Variants in NRG2 observed in about 807,000 individuals in gnomAD.
The protein encoded by NRG2 is pro-neuregulin-2, membrane-bound isoform.
In NRG2, 27 loss-of-function variants were observed where a neutral mutation model predicts 73.9. The ratio of observed to expected loss-of-function variants is 0.37; its 90% confidence interval spans 0.27 to 0.50. NRG2 has a LOEUF of 0.50. NRG2 is among the 20% of genes least tolerant of loss of function. NRG2 has a pLI of 0.96. For missense variants in NRG2, 1,126 were observed against 1,210.1 expected (o/e 0.93, Z 1.03); for synonymous variants, 532 against 541.0 (o/e 0.98, Z 0.23).
chr5:140,018,651 ATACATAGAGATT>A (rs1332090506), intron 1 of NRG2, among the ~76,000 whole-genome samples: 1 of 152,156 alleles, frequency 6.6e-6, no homozygotes, highest in Admixed American at 6.5e-5. Flanking sequence ...AACAGCACTA[ATACATAGAGATT>A]TAAGAGGACA....
intron 1 of NRG2, among the ~76,000 whole-genome samples, chr5:140,002,784 CAG>C (rs2126626485): frequency 6.6e-6 from 1 of 152,180 alleles, no homozygotes; most frequent in East Asian, 1.9e-4. Flanking sequence ...AGGGTGGAAG[CAG>C]AGAGACCAAT....
In NRG2 at chr5:139,966,529, T is replaced by A. The variant is rs140326549; in HGVS notation, c.700+75841A>T. Reference sequence around the variant, plus strand: ...GGAAGCTTTCCCAGAGGAGGGACATTCTAAGATGAGCTCTTAGGGGTGGTG... The same window carrying A: ...GGAAGCTTTCCCAGAGGAGGGACATACTAAGATGAGCTCTTAGGGGTGGTG... On this transcript the variant is annotated intron_variant, in intron 1 of 9. Coordinates refer to ENST00000361474, the MANE Select transcript of NRG2 (RefSeq NM_004883.3). Among the ~76,000 whole-genome samples, 8 of 152,212 alleles carry A rather than the reference T, an allele frequency of 5.3e-5. No homozygotes were observed. The East Asian group carries it at 9.7e-4, about 18-fold the overall frequency.
At chr5:139,978,661 A>G (rs544767626) in intron 1 of NRG2, among the ~76,000 whole-genome samples, 3 of 152,206 alleles carry the variant, frequency 2.0e-5, no homozygotes, top group Non-Finnish European at 4.4e-5. Context: ...CATATAAAAC[A>G]TGCTGCTATA....
intron 1 of NRG2, among the ~76,000 whole-genome samples, chr5:139,974,657 C>G (rs889682969): frequency 1.3e-5 from 2 of 152,150 alleles, no homozygotes; most frequent in African/African-American, 4.8e-5. Context: ...AAGATTCCAG[C>G]CTCCTCTTCC....
At position 139,853,060 on chromosome 5, in the gene NRG2, TC is replaced by T; in HGVS notation, c.1293-34del. 1.2e-6 allele frequency: 2 copies of T among 1,610,352 alleles called. No homozygotes were observed. Among genetic ancestry groups the T allele is most frequent in the Admixed American group, 1.7e-5 (1 of 59,054 alleles). The stretch of plus-strand genomic sequence containing the variant: ...AGGGAAGGGAAGGTGAGGCTGGCAT[TC>T]CCCCCACTCGCCAACGATGAACTTC... On this transcript the variant is annotated intron_variant, in intron 6 of 9. Coordinates refer to ENST00000361474, the MANE Select transcript of NRG2 (RefSeq NM_004883.3). This position sits in a 1 kb window ranked among gnomAD's most constrained non-coding sequence, Gnocchi z 4.1.
At chr5:139,866,293 A>G (rs1341363533) in intron 4 of NRG2, among the ~76,000 whole-genome samples, 1 of 152,190 alleles carries the variant, frequency 6.6e-6, no homozygotes, top group Admixed American at 6.5e-5. Context: ...AGACTATGAA[A>G]GTTTCATAGG....
In NRG2 at chr5:139,853,850, A is replaced by G. The variant is rs1304338278; in HGVS notation, c.1293-823T>C. The stretch of plus-strand genomic sequence containing the variant: ...CTAGTTAGAAGGAAAAAGACCTAGT[A>G]TTCAATAGCATATGGGGTGACTATA... On this transcript the variant is annotated intron_variant, in intron 6 of 9. Transcript: ENST00000361474. The surrounding 1 kb of genome is among the most constrained non-coding windows in gnomAD (Gnocchi z 4.1). 1.3e-5 allele frequency among the ~76,000 whole-genome samples: 2 copies of G among 152,188 alleles called. No individual in the cohort carries two copies. The highest frequency in any genetic ancestry group is 1.3e-4 in the Admixed American group (2 of 15,290).
At chr5:139,942,892 G>C (rs1753505867) in intron 1 of NRG2, among the ~76,000 whole-genome samples, 1 of 152,206 alleles carries the variant, frequency 6.6e-6, no homozygotes, top group Admixed American at 6.5e-5. Flanking sequence ...CCAGGCTAGA[G>C]TGCAGTGGTG....
intron 1 of NRG2, among the ~76,000 whole-genome samples, chr5:139,938,953 GAAAGAAAA>G (rs1753134559): frequency 5.7e-5 from 6 of 105,292 alleles, no homozygotes; most frequent in South Asian, 6.4e-4. Context: ...AAGAAAGAAA[GAAAGAAAA>G]AAGAAGGAAG....
chr5:139,911,085 A>C (rs547459533), intron 1 of NRG2, among the ~76,000 whole-genome samples: 2 of 152,008 alleles, frequency 1.3e-5, no homozygotes, highest in African/African-American at 4.8e-5. Flanking sequence ...GGCAACAGGC[A>C]GGCCTGGACA....
intron 1 of NRG2, among the ~76,000 whole-genome samples, chr5:139,889,519 G>A (rs1030589288): frequency 2.6e-5 from 4 of 151,860 alleles, no homozygotes; most frequent in Non-Finnish European, 5.9e-5. Context: ...TACAAATCCC[G>A]CACCCCCGAG....
chr5:140,027,169 A>C (rs1343914268), intron 1 of NRG2, among the ~76,000 whole-genome samples: 1 of 152,050 alleles, frequency 6.6e-6, no homozygotes, highest in East Asian at 1.9e-4. Flanking sequence ...AAAATTGTAG[A>C]GATGAGGTCT....
chr5:139,925,587 C>T (rs1751990571), intron 1 of NRG2, among the ~76,000 whole-genome samples: 1 of 152,242 alleles, frequency 6.6e-6, no homozygotes, highest in African/African-American at 2.4e-5. Context: ...AGACTAAAAG[C>T]TCCCTCCAGA....
In NRG2 at chr5:139,970,014, T is replaced by C. The variant is rs550671032; in HGVS notation, c.700+72356A>G. Among the ~76,000 whole-genome samples, 43 of 152,366 alleles carry C rather than the reference T, an allele frequency of 2.8e-4. No homozygotes were observed. The South Asian group carries it at 8.9e-3, about 32-fold the overall frequency. ...CTTTACAAGTATTATTTTTACTTCA[T>C]TGTGCTGGCAAAAGTTCAAAGACAA... On this transcript the variant is annotated intron_variant, in intron 1 of 9. Transcript: ENST00000361474.
chr5:139,938,239 G>C (rs1050439647), intron 1 of NRG2, among the ~76,000 whole-genome samples: 1 of 152,286 alleles, frequency 6.6e-6, no homozygotes, highest in Non-Finnish European at 1.5e-5. Context: ...ATCCCAGCAG[G>C]CTTTTTAGTA....
At chr5:139,902,942 AAAG>A (rs1764981750) in intron 1 of NRG2, among the ~76,000 whole-genome samples, 1 of 152,204 alleles carries the variant, frequency 6.6e-6, no homozygotes, top group South Asian at 2.1e-4. Flanking sequence ...TTTCTCTTAA[AAAG>A]AAGGAGAACA....
rs1384762616 is a variant in NRG2 at position 139,848,513 on chromosome 5, G to C, written c.1957C>G (p.Pro653Ala). 6 of 1,386,630 alleles carry C rather than the reference G, an allele frequency of 4.3e-6. No homozygotes were observed. The highest frequency in any genetic ancestry group is 1.7e-5 in the South Asian group (1 of 59,146). The allele number at this position is 1,386,630 out of a possible 1,614,324, so 85.9% of individuals were successfully genotyped here. The change falls in exon 10 of 10, where the codon CCC becomes GCC. Residue 653 changes from proline (P) to alanine (A), a missense_variant. Coordinates refer to ENST00000361474, the MANE Select transcript of NRG2 (RefSeq NM_004883.3). ...EQQPLLRHPA[P>A]PGPGPGPGPG... ...CCGGGTCCGGGTCCCGGGCCGGGGGGCGCCGGGTGCCGCAGTAACGGCTGC... is the reference window on the plus strand; with the variant it reads ...CCGGGTCCGGGTCCCGGGCCGGGGGCCGCCGGGTGCCGCAGTAACGGCTGC...
At chr5:139,961,991 C>T (rs1755101391) in intron 1 of NRG2, among the ~76,000 whole-genome samples, 1 of 152,154 alleles carries the variant, frequency 6.6e-6, no homozygotes, top group African/African-American at 2.4e-5. Flanking sequence ...GAGGCTCTTG[C>T]TTTCCTGACC....
chr5:139,932,125 T>A (rs2126376230), intron 1 of NRG2, among the ~76,000 whole-genome samples: 1 of 152,250 alleles, frequency 6.6e-6, no homozygotes, highest in Non-Finnish European at 1.5e-5. Context: ...TTCATAAAGA[T>A]CTGCACTCCC....
Sources: allele counts gnomAD v4.1 joint callset (sites outside exome capture counted in the v4.1 genomes callset), GRCh38; gene constraint gnomAD v4.1.1; non-coding constraint Gnocchi (gnomAD v3.1); transcripts MANE v1.5; gene names NCBI Gene and HGNC (gene_info 2026-07-23, HGNC 2026-07-21).